The following IDUA variants were observed in gnomAD, a reference collection of about 807,000 sequenced individuals.
IDUA encodes alpha-L-iduronidase.
Under a neutral mutation model 68.9 loss-of-function variants are expected in IDUA, and 65 were observed. That is an observed-to-expected ratio of 0.94 (90% CI 0.77 to 1.16). The LOEUF is 1.16. Ranked by LOEUF, IDUA falls within the 50% of genes most tolerant of loss-of-function variation. The pLI, the probability that IDUA is intolerant of heterozygous loss-of-function variation, is 0.00. For synonymous variants in IDUA, 529 were observed against 433.6 expected (o/e 1.22, Z -2.73); for missense variants, 1,046 against 938.0 (o/e 1.12, Z -1.50).
chr4:995,444 C>T (rs11936031), intron 2 of IDUA, among the ~76,000 whole-genome samples: 8,378 of 152,216 alleles, frequency 0.055, 751 homozygotes, highest in African/African-American at 0.19. Context: ...CACCTGTGGC[C>T]GGAGGGTGAG....
chr4:988,866 G>A (rs1713961685), intron 2 of IDUA: 2 of 1,597,600 alleles, frequency 1.3e-6, no homozygotes, highest in South Asian at 1.1e-5. Flanking sequence ...CCAGCTCCCT[G>A]TGGCGGGCTC....
chr4:1,004,018 G>A lies in IDUA; in HGVS notation c.1734G>A (p.Leu578=). Reference sequence around the variant, plus strand: ...CTTGGCCTGACCTCCCCAGGTGCCTGTGGACATACGAGATCCAGTTCTCTC... The same window carrying A: ...CTTGGCCTGACCTCCCCAGGTGCCTATGGACATACGAGATCCAGTTCTCTC... ...WSDEHVGSKC[L]WTYEIQFSQD... is the part of the protein sequence containing the mutation. The change falls in exon 13 of 14, where the codon CTG becomes CTA. Residue 578 remains leucine (L), a synonymous_variant. Coordinates refer to ENST00000514224, the MANE Select transcript of IDUA (RefSeq NM_000203.5). The surrounding 1 kb of genome is among the most constrained non-coding windows in gnomAD (Gnocchi z 5.0). 1 of 1,611,744 alleles carries A rather than the reference G, an allele frequency of 6.2e-7. No homozygotes were observed. The highest frequency in any genetic ancestry group is 1.1e-5 in the South Asian group (1 of 90,918).
At chr4:991,156 G>A in intron 2 of IDUA, 2 of 1,558,424 alleles carry the variant, frequency 1.3e-6, no homozygotes, top group South Asian at 1.2e-5. Flanking sequence ...CAGCGTGAGG[G>A]CGGTGGCGAC....
chr4:989,113 A>G lies in IDUA; in HGVS notation c.299+1164A>G, dbSNP rs753608473. On this transcript the variant is annotated intron_variant, in intron 2 of 13. Transcript: ENST00000514224. Reference sequence around the variant, plus strand: ...GGCGCAGTCGATGACCACTGTGTGGAAGCCGGCCGCTGCGGGCACCAGCGC... The same window carrying G: ...GGCGCAGTCGATGACCACTGTGTGGGAGCCGGCCGCTGCGGGCACCAGCGC... 83 of 1,605,212 alleles carry G rather than the reference A, an allele frequency of 5.2e-5. No homozygotes were observed. Among genetic ancestry groups the G allele is most frequent in the Non-Finnish European group, 7.0e-5 (82 of 1,176,198 alleles).
chr4:990,962 G>A (rs531190436), intron 2 of IDUA: 86 of 675,672 alleles, frequency 1.3e-4, no homozygotes, highest in Non-Finnish European at 1.8e-4. Flanking sequence ...TCGGTGCCTC[G>A]CCCTGGGATG....
At chr4:997,940 A>G (rs890060723) in intron 2 of IDUA, among the ~76,000 whole-genome samples, 63 of 152,196 alleles carry the variant, frequency 4.1e-4, no homozygotes, top group African/African-American at 1.5e-3. Context: ...CTGCCGGGCT[A>G]TCGCCTTGGG....
intron 2 of IDUA, chr4:989,829 AGAG>A: frequency 6.3e-7 from 1 of 1,580,732 alleles, no homozygotes; most frequent in East Asian, 2.3e-5. Context: ...TGGCACGCAC[AGAG>A]TAGCCGTGAC....
rs1393007011 is a variant in IDUA at position 1,004,478 on chromosome 4, C to G, written c.*85C>G. The G allele has an allele frequency of 7.7e-7, 1 of 1,293,186 alleles. No homozygotes were observed. Among genetic ancestry groups the G allele is most frequent in the Non-Finnish European group, 1.1e-6 (1 of 925,262 alleles). 80.1% of individuals were successfully genotyped at this position (1,293,186 alleles called of 1,614,324 possible). A position where few individuals can be genotyped will look rare whatever the true frequency, so the allele number is the denominator to read the frequency against. The stretch of plus-strand genomic sequence containing the variant: ...CTGTGCCCATGCTGCCCTCCCATCA[C>G]CCCCTTTGCAATATATTTTTATATT... On this transcript the variant is annotated 3_prime_UTR_variant, in exon 14 of 14. Coordinates refer to ENST00000514224, the MANE Select transcript of IDUA (RefSeq NM_000203.5). The surrounding 1 kb of genome is among the most constrained non-coding windows in gnomAD (Gnocchi z 5.0).
intron 2 of IDUA, among the ~76,000 whole-genome samples, chr4:998,816 C>T (rs1375494042): frequency 6.7e-6 from 1 of 150,318 alleles, no homozygotes; most frequent in African/African-American, 2.5e-5. Context: ...CACCTCAAAC[C>T]TCATCAGTCC....
chr4:992,260 T>C (rs759147924), intron 2 of IDUA: 73 of 454,514 alleles, frequency 1.6e-4, no homozygotes, highest in Non-Finnish European at 2.6e-4. Flanking sequence ...GTCCACCCCA[T>C]GCCCACACCA....
Position 1,004,354 on chromosome 4 carries a change from C to T in IDUA, c.1923C>T (p.Val641=). 2 of 1,611,638 alleles carry T rather than the reference C, an allele frequency of 1.2e-6. No homozygotes were observed. Among genetic ancestry groups the T allele is most frequent in the East Asian group, 2.2e-5 (1 of 44,872 alleles). ...CGGACCCTGTGCCGTACCTGGAGGT[C>T]CCTGTGCCAAGAGGGCCCCCATCCC... ...PFSDPVPYLE[V]PVPRGPPSPG... The change falls in exon 14 of 14, where the codon GTC becomes GTT. Residue 641 remains valine, a synonymous_variant. Coordinates refer to ENST00000514224, the MANE Select transcript of IDUA (RefSeq NM_000203.5). The surrounding 1 kb of genome is among the most constrained non-coding windows in gnomAD (Gnocchi z 5.0).
chr4:994,915 G>A (rs1247842700), intron 2 of IDUA, among the ~76,000 whole-genome samples: 3 of 152,120 alleles, frequency 2.0e-5, no homozygotes, highest in Admixed American at 6.6e-5. Context: ...CACAGAGCAA[G>A]AGCCCGTCTC....
In IDUA at chr4:1,002,383, C is replaced by T. The variant is rs750496798; in HGVS notation, c.1087C>T (p.Arg363Cys). 10 of 1,610,132 alleles carry T rather than the reference C, an allele frequency of 6.2e-6. No individual in the cohort carries two copies. The highest frequency in any genetic ancestry group is 8.5e-6 in the Non-Finnish European group (10 of 1,178,550). ...CTACCACCCGCACCCCTTCGCGCAG[C>T]GCACGCTCACCGCGCGCTTCCAGGT... ...LSYHPHPFAQ[R>C]TLTARFQVNN... The change falls in exon 8 of 14, where the codon CGC becomes TGC. Residue 363 changes from arginine (R) to cysteine (C), a missense_variant. By Grantham distance (180) the Arg-to-Cys change is radical. Coordinates refer to ENST00000514224, the MANE Select transcript of IDUA (RefSeq NM_000203.5).
intron 2 of IDUA, chr4:990,439 G>A (rs1024506366): frequency 1.2e-5 from 16 of 1,386,244 alleles, no homozygotes; most frequent in East Asian, 9.9e-5. Flanking sequence ...GGCATGGCCC[G>A]AGGGGTGGTG....
chr4:989,581 G>GC (rs768949918), intron 2 of IDUA: 5 of 1,596,774 alleles, frequency 3.1e-6, no homozygotes, highest in Admixed American at 1.7e-5. Context: ...CTTGCGCAGG[G>GC]CCCCCCGCAG....
chr4:987,570 C>T, intron 1 of IDUA: 1 of 1,349,330 alleles, frequency 7.4e-7, no homozygotes, highest in South Asian at 1.5e-5. Context: ...AGGTACCCGC[C>T]TTCCTGGCAG....
chr4:991,245 C>G (rs147715228), intron 2 of IDUA: 2 of 1,611,888 alleles, frequency 1.2e-6, no homozygotes, highest in African/African-American at 1.3e-5. Flanking sequence ...CTCCGGGCTG[C>G]AGGCCGTCCT....
chr4:987,183 T>C lies in IDUA; in HGVS notation c.99T>C (p.His33=). ...VAPAEAPHLV[H]VDAARALWPL... ...CGGCCGAGGCCCCGCACCTGGTGCA[T>C]GTGGACGCGGCCCGCGCGCTGTGGC... The change falls in exon 1 of 14, where the codon CAT becomes CAC. Residue 33 remains histidine (H), a synonymous_variant. Coordinates refer to ENST00000514224, the MANE Select transcript of IDUA (RefSeq NM_000203.5). 1 of 1,473,436 alleles carries C rather than the reference T, an allele frequency of 6.8e-7. No homozygotes were observed. 91.3% of individuals were successfully genotyped at this position (1,473,436 alleles called of 1,614,324 possible). A position where few individuals can be genotyped will look rare whatever the true frequency, so the allele number is the denominator to read the frequency against.
In IDUA at chr4:1,002,284, C is replaced by G; in HGVS notation, c.988C>G (p.Gln330Glu). The G allele has an allele frequency of 1.2e-6, 2 of 1,612,206 alleles. No homozygotes were observed. Among genetic ancestry groups the G allele is most frequent in the Non-Finnish European group, 1.7e-6 (2 of 1,179,410 alleles). ...ACACCCGCAGGTCATCGCGCAGCAT[C>G]AGAACCTGCTACTGGCCAACACCAC... ...AMVVKVIAQH[Q>E]NLLLANTTSA... is the part of the protein sequence containing the mutation. The change falls in exon 8 of 14, where the codon CAG becomes GAG. Residue 330 changes from glutamine (Q) to glutamate (E), a missense_variant. Coordinates refer to ENST00000514224, the MANE Select transcript of IDUA (RefSeq NM_000203.5).
Sources: allele counts gnomAD v4.1 joint callset (sites outside exome capture counted in the v4.1 genomes callset), GRCh38; gene constraint gnomAD v4.1.1; non-coding constraint Gnocchi (gnomAD v3.1); transcripts MANE v1.5; gene names NCBI Gene and HGNC (gene_info 2026-07-23, HGNC 2026-07-21).